The following GALNT1 variants were observed in gnomAD, a reference collection of about 807,000 sequenced individuals.
The protein encoded by GALNT1 is polypeptide N-acetylgalactosaminyltransferase 1.
A neutral mutation model predicts 65.7 loss-of-function variants in GALNT1; 17 were observed. That is an observed-to-expected ratio of 0.26 (90% CI 0.18 to 0.39). GALNT1 has a LOEUF of 0.39. Among genes scored for constraint, GALNT1 ranks in the 10% least tolerant of loss-of-function variants. GALNT1 has a pLI of 1.00. For missense variants in GALNT1, 460 were observed against 672.8 expected (o/e 0.68, Z 3.50); for synonymous variants, 210 against 219.7 (o/e 0.96, Z 0.39).
chr18:35,629,939 A>G (rs1182532425), intron 1 of GALNT1, among the ~76,000 whole-genome samples: 2 of 152,248 alleles, frequency 1.3e-5, no homozygotes, highest in South Asian at 2.1e-4. Context: ...TTAAACCAAC[A>G]AAGATCAAAA....
At chr18:35,681,933 TAAC>T (rs1194747094) in intron 4 of GALNT1, among the ~76,000 whole-genome samples, 1 of 152,160 alleles carries the variant, frequency 6.6e-6, no homozygotes, top group Non-Finnish European at 1.5e-5. Context: ...TTATGCATAA[TAAC>T]TTCATAGGGT....
chr18:35,704,739 G>A lies in GALNT1; in HGVS notation c.1533+1096G>A, dbSNP rs187464720. ...GGCTCATGCAACCTCCACCTCCCTG[G>A]TTCAAGCTATTCTCCTGCCTCAGCC... On this transcript the variant is annotated intron_variant, in intron 11 of 11. Transcript: ENST00000269195. Among the ~76,000 whole-genome samples the A allele has an allele frequency of 2.0e-5, 3 of 152,046 alleles. No homozygotes were observed. In the East Asian group the frequency reaches 5.8e-4, roughly 29 times the overall value.
At chr18:35,600,770 C>T (rs1393697279) in intron 1 of GALNT1, among the ~76,000 whole-genome samples, 1 of 152,120 alleles carries the variant, frequency 6.6e-6, no homozygotes, top group Non-Finnish European at 1.5e-5. Flanking sequence ...GCTATTCTTG[C>T]ATCACTGGGA....
chr18:35,705,271 A>G (rs945263184), intron 11 of GALNT1, among the ~76,000 whole-genome samples: 6 of 152,116 alleles, frequency 3.9e-5, no homozygotes, highest in African/African-American at 1.4e-4. Context: ...CTTTGACATC[A>G]CTTCCATGAA....
At chr18:35,582,056 G>C (rs959674367) in intron 1 of GALNT1, among the ~76,000 whole-genome samples, 194 bp downstream of exon 1, 6 of 152,220 alleles carry the variant, frequency 3.9e-5, no homozygotes, top group African/African-American at 1.4e-4. Flanking sequence ...CGGCGTCTCT[G>C]GTTGGCAGCT....
rs754881258 is a variant in GALNT1 at position 35,663,763 on chromosome 18, T to A, written c.275T>A (p.Ile92Asn). 6.2e-7 allele frequency: 1 copy of A among 1,613,980 alleles called. No individual in the cohort carries two copies. The highest frequency in any genetic ancestry group is 8.5e-7 in the Non-Finnish European group (1 of 1,179,926). Residue 92 changes from isoleucine to asparagine, a missense_variant, in exon 3 of 12, where the codon ATT (isoleucine) becomes AAT (asparagine). Coordinates refer to ENST00000269195, the MANE Select transcript of GALNT1 (RefSeq NM_020474.4). The stretch of plus-strand genomic sequence containing the variant: ...TTCAATTTAATGGCAAGTGAGATGA[T>A]TGCACTCAACAGATCTTTACCAGAT... ...NQFNLMASEMIALNRSLPDVR... is the reference protein window; with the variant it reads ...NQFNLMASEMNALNRSLPDVR...
At chr18:35,687,260 A>G in intron 6 of GALNT1, 74 bp downstream of exon 6, 2 of 1,416,926 alleles carry the variant, frequency 1.4e-6, no homozygotes, top group Non-Finnish European at 1.9e-6. Flanking sequence ...ATCATATCAA[A>G]TGGATAAGTG....
chr18:35,690,111 A>G (rs1158477669), intron 7 of GALNT1, among the ~76,000 whole-genome samples: 2 of 152,246 alleles, frequency 1.3e-5, no homozygotes, highest in Non-Finnish European at 2.9e-5. Flanking sequence ...ATAAAGAGTT[A>G]TGAGATTTTT....
rs1168701213 is a variant in GALNT1, at chr18:35,609,762, A to G, written c.-104+27900A>G. ...TTTTAAAAAATATTGATTGTAATCA[A>G]CTGCCCACTCTTTGCTTAGTATTAA... On this transcript the variant is annotated intron_variant, in intron 1 of 11. Coordinates refer to ENST00000269195, the MANE Select transcript of GALNT1 (RefSeq NM_020474.4). 3.9e-5 allele frequency among the ~76,000 whole-genome samples: 6 copies of G among 152,310 alleles called. No individual in the cohort carries two copies. The East Asian group carries it at 1.2e-3, about 29-fold the overall frequency.
chr18:35,616,970 G>T (rs2046791145), intron 1 of GALNT1, among the ~76,000 whole-genome samples: 1 of 152,076 alleles, frequency 6.6e-6, no homozygotes, highest in Non-Finnish European at 1.5e-5. Flanking sequence ...TGTAACCATA[G>T]ATCCTGACTC....
chr18:35,657,934 A>G (rs374959223), intron 2 of GALNT1, among the ~76,000 whole-genome samples: 1 of 152,172 alleles, frequency 6.6e-6, no homozygotes, highest in Non-Finnish European at 1.5e-5. Flanking sequence ...GGTTTAAACT[A>G]TAGGGGAAAG....
At chr18:35,608,691 C>T (rs11663870) in intron 1 of GALNT1, among the ~76,000 whole-genome samples, 15,621 of 152,176 alleles carry the variant, frequency 0.1, 884 homozygotes, top group Admixed American at 0.18. Context: ...CCTCAAGGAG[C>T]TCACAGTTTG....
intron 7 of GALNT1, among the ~76,000 whole-genome samples, chr18:35,690,537 T>TTCTC (rs2047944581): frequency 6.6e-6 from 1 of 152,212 alleles, no homozygotes; most frequent in Non-Finnish European, 1.5e-5. Context: ...GAATTTATGA[T>TTCTC]TCTCTTAGGT....
At chr18:35,644,416 G>A (rs1356537814) in intron 1 of GALNT1, among the ~76,000 whole-genome samples, 6 of 152,282 alleles carry the variant, frequency 3.9e-5, no homozygotes, top group South Asian at 4.1e-4. Context: ...ATAGGAAGCT[G>A]GGAATATAAA....
chr18:35,682,519 C>T (rs1035089254), intron 4 of GALNT1, among the ~76,000 whole-genome samples: 1 of 152,170 alleles, frequency 6.6e-6, no homozygotes, highest in African/African-American at 2.4e-5. Flanking sequence ...CATATTACCA[C>T]CAATAGCAGA....
chr18:35,662,822 C>T (rs1598798957), intron 2 of GALNT1, among the ~76,000 whole-genome samples: 2 of 152,118 alleles, frequency 1.3e-5, no homozygotes, highest in African/African-American at 2.4e-5. Flanking sequence ...CATTTATTAA[C>T]GTCTCAAAAA....
At chr18:35,589,335 G>A (rs952197734) in intron 1 of GALNT1, among the ~76,000 whole-genome samples, 4 of 152,170 alleles carry the variant, frequency 2.6e-5, no homozygotes, top group Non-Finnish European at 5.9e-5. Context: ...ATTATAACCC[G>A]GGGAGTACGT....
At chr18:35,611,318 C>G (rs893214557) in intron 1 of GALNT1, among the ~76,000 whole-genome samples, 1 of 152,052 alleles carries the variant, frequency 6.6e-6, no homozygotes, top group African/African-American at 2.4e-5. Flanking sequence ...ATTGATACCT[C>G]TAAGGCAGGA....
intron 1 of GALNT1, among the ~76,000 whole-genome samples, chr18:35,629,724 C>A (rs1337313879): frequency 6.6e-6 from 1 of 152,118 alleles, no homozygotes; most frequent in Non-Finnish European, 1.5e-5. Context: ...CAATATTAAC[C>A]TTAAATGTAA....
Sources: allele counts gnomAD v4.1 joint callset (sites outside exome capture counted in the v4.1 genomes callset), GRCh38; gene constraint gnomAD v4.1.1; transcripts MANE v1.5; gene names NCBI Gene and HGNC (gene_info 2026-07-23, HGNC 2026-07-21).